The following PIK3R6 variants were observed in gnomAD, a reference collection of about 807,000 sequenced individuals.
The protein encoded by PIK3R6 is phosphoinositide 3-kinase regulatory subunit 6.
In PIK3R6, 91 loss-of-function variants were observed where a neutral mutation model predicts 84.9. The ratio of observed to expected loss-of-function variants is 1.07; its 90% CI spans 0.90 to 1.28. The LOEUF (loss-of-function observed/expected upper bound fraction) is 1.28. Ranked by LOEUF, PIK3R6 falls within the 50% of genes most tolerant of loss-of-function variation. PIK3R6 has a pLI of 0.00. For synonymous variants in PIK3R6, 416 were observed against 411.4 expected, an observed-to-expected ratio of 1.01 and a Z score of -0.13; for missense variants, 996 against 985.1, an observed-to-expected ratio of 1.01 and a Z score of -0.15.
intron 18 of PIK3R6, among the ~76,000 whole-genome samples, chr17:8,810,109 G>T (rs527459305): frequency 1.3e-5 from 2 of 150,980 alleles, no homozygotes; most frequent in South Asian, 4.3e-4. Flanking sequence ...AGGTTTAATG[G>T]ACTTACAGTT....
In PIK3R6 at chr17:8,819,056, C is replaced by T. The variant is rs370566314; in HGVS notation, c.1995+27G>A. ...CTACTGCTGTCCCAGCTGGCTGTCT[C>T]CCTTTCCCAGTCTACTCAGTACTTA... On this transcript the variant is annotated intron_variant, in intron 18 of 19. Coordinates refer to ENST00000619866, the MANE Select transcript of PIK3R6 (RefSeq NM_001010855.4). 14 of 1,525,304 alleles carry T rather than the reference C, an allele frequency of 9.2e-6. No homozygotes were observed. The African/African-American group carries it at 1.6e-4, about 18-fold the overall frequency. The allele number at this position is 1,525,304 out of a possible 1,614,324, so 94.5% of individuals were successfully genotyped here. A position where few individuals can be genotyped will look rare whatever the true frequency, so the allele number is the denominator to read the frequency against.
intron 16 of PIK3R6, 143 bp from the exon 17 acceptor site, chr17:8,822,079 G>A (rs1483122877): frequency 1.8e-5 from 12 of 653,450 alleles, no homozygotes; most frequent in Non-Finnish European, 2.8e-5. Flanking sequence ...TTTGAGCCAG[G>A]GGGTTTCACT....
intron 1 of PIK3R6, among the ~76,000 whole-genome samples, chr17:8,855,879 T>C (rs1033154115): frequency 1.1e-4 from 16 of 152,248 alleles, no homozygotes; most frequent in African/African-American, 3.6e-4. Context: ...CACCTGCTCA[T>C]GGATATATAT....
chr17:8,832,819 C>G, intron 9 of PIK3R6, 70 bp downstream of exon 9: 1 of 1,602,018 alleles, frequency 6.2e-7, no homozygotes, highest in Non-Finnish European at 8.5e-7. Context: ...TGCTCTCTGG[C>G]GCCCCCTGCT....
chr17:8,818,766 G>T (rs2087623845), intron 18 of PIK3R6, among the ~76,000 whole-genome samples: 1 of 152,198 alleles, frequency 6.6e-6, no homozygotes, highest in Admixed American at 6.5e-5. Flanking sequence ...GTCTGGCTGT[G>T]GTGTGGTGGC....
At chr17:8,863,638 G>A (rs2089333360) in intron 1 of PIK3R6, among the ~76,000 whole-genome samples, 1 of 151,970 alleles carries the variant, frequency 6.6e-6, no homozygotes, top group African/African-American at 2.4e-5. Context: ...AGGTTCAAGC[G>A]ACTCTCCTGC....
Position 8,803,131 on chromosome 17 carries a change from C to G in PIK3R6, c.*142G>C. ...TCATCACAGTCCCCAGGGTAGGCTC[C>G]CTGTGCTCCCAGGCACTCGCTGGCT... On this transcript the variant is annotated 3_prime_UTR_variant, in exon 20 of 20. Coordinates refer to ENST00000619866, the MANE Select transcript of PIK3R6 (RefSeq NM_001010855.4). This position sits in a 1 kb window ranked among gnomAD's most constrained non-coding sequence, Gnocchi z 5.0. 9.3e-7 allele frequency: 1 copy of G among 1,079,844 alleles called. No homozygotes were observed. Among genetic ancestry groups the G allele is most frequent in the South Asian group, 1.6e-5 (1 of 64,382 alleles). 66.9% of individuals were successfully genotyped at this position (1,079,844 alleles called of 1,614,324 possible).
At position 8,845,005 on chromosome 17, in the gene PIK3R6, G is replaced by A. The variant is rs145746902; in HGVS notation, c.13+4777C>T. On this transcript the variant is annotated intron_variant, in intron 2 of 19. Transcript: ENST00000619866. Reference sequence around the variant, plus strand: ...ATATTGCAACGAAGGATATGATTTCGTTCTTTTTTATGGCTGCATAGTATT... The same window carrying A: ...ATATTGCAACGAAGGATATGATTTCATTCTTTTTTATGGCTGCATAGTATT... Among the ~76,000 whole-genome samples the A allele has an allele frequency of 1.9e-3, 293 of 152,220 alleles. 1 individual carries two copies. The highest frequency in any genetic ancestry group is 6.5e-3 in the African/African-American group (270 of 41,528).
chr17:8,821,903 C>T lies in PIK3R6; in HGVS notation c.1822G>A (p.Val608Ile), dbSNP rs756367084. 3.3e-5 allele frequency: 52 copies of T among 1,594,172 alleles called. No individual in the cohort carries two copies. Among genetic ancestry groups the T allele is most frequent in the East Asian group, 1.4e-4 (6 of 44,052 alleles). ...LLSHRPREVT[V>I]SLRATGLILK... ...ATCAGCCCAGTGGCCCGCAGGGAAA[C>T]GGTGACCTCTCGGGGCCGGTGGCTA... Residue 608 changes from valine (V) to isoleucine (I), a missense_variant, in exon 17 of 20, where the codon GTT becomes ATT. Transcript: ENST00000619866.
chr17:8,832,375 C>T (rs77066928), intron 9 of PIK3R6, among the ~76,000 whole-genome samples: 9 of 77,814 alleles, frequency 1.2e-4, no homozygotes, highest in East Asian at 4.6e-4. Context: ...TACCCACCTT[C>T]TTTTTTTTTT....
Position 8,803,734 on chromosome 17 carries a change from G to A in PIK3R6, c.2109-305C>T, listed in dbSNP as rs1056079918. The A allele has an allele frequency of 3.6e-6, 2 of 554,928 alleles. No homozygotes were observed. The highest frequency in any genetic ancestry group is 3.2e-6 in the Non-Finnish European group (1 of 311,548). 34.4% of individuals were successfully genotyped at this position (554,928 alleles called of 1,614,324 possible). A position where few individuals can be genotyped will look rare whatever the true frequency, so the allele number is the denominator to read the frequency against. On this transcript the variant is annotated intron_variant, in intron 19 of 19. Coordinates refer to ENST00000619866, the MANE Select transcript of PIK3R6 (RefSeq NM_001010855.4). The surrounding 1 kb of genome is among the most constrained non-coding windows in gnomAD (Gnocchi z 5.0). ...ACACAGATGCCACAGGTCAGCCTGT[G>A]TGGGAGGGGCCCGTGCCTGCAGAGG...
At chr17:8,852,589 A>G (rs1022876360) in intron 1 of PIK3R6, among the ~76,000 whole-genome samples, 1 of 152,032 alleles carries the variant, frequency 6.6e-6, no homozygotes, top group Non-Finnish European at 1.5e-5. Context: ...AAATAAAAAA[A>G]TTAGCCAGGT....
At chr17:8,856,181 C>G (rs971362483) in intron 1 of PIK3R6, among the ~76,000 whole-genome samples, 2 of 152,162 alleles carry the variant, frequency 1.3e-5, no homozygotes, top group African/African-American at 4.8e-5. Flanking sequence ...CTTTTTTAGT[C>G]AAACTTTTAA....
chr17:8,857,852 A>G (rs1279810958), intron 1 of PIK3R6, among the ~76,000 whole-genome samples: 3 of 151,558 alleles, frequency 2.0e-5, no homozygotes, highest in Admixed American at 2.0e-4. Context: ...GTGAGCTGCA[A>G]TCGTGCCACT....
intron 1 of PIK3R6, among the ~76,000 whole-genome samples, chr17:8,856,339 C>T (rs1054499458): frequency 7.9e-5 from 12 of 152,208 alleles, no homozygotes; most frequent in South Asian, 6.2e-4. Context: ...TGGTGGCTCA[C>T]GCCTATAATC....
chr17:8,836,960 A>C, intron 5 of PIK3R6, 37 bp from the exon 6 acceptor site: 1 of 743,678 alleles, frequency 1.3e-6, no homozygotes, highest in Non-Finnish European at 1.8e-6. Flanking sequence ...GAGAGGGAGG[A>C]GGTGGAGGTA....
At chr17:8,865,576 G>GGCA (rs1340920490) in intron 1 of PIK3R6, among the ~76,000 whole-genome samples, 4 of 152,020 alleles carry the variant, frequency 2.6e-5, no homozygotes, top group Admixed American at 2.6e-4. Flanking sequence ...GGGTTTCAGG[G>GGCA]GCAGCTCAGG....
rs763009487 is a variant in PIK3R6, at chr17:8,822,599, T to C, written c.1776A>G (p.Leu592=). ...VAEGPGAELS[L]CYQKALLSHR... ...CATGCACACTGACCTTCTGGTAGCA[T>C]AGGGAGAGCTCTGCCCCTGGGCCCT... The change falls in exon 16 of 20, where the codon CTA becomes CTG. Residue 592 remains leucine, a synonymous_variant. Transcript: ENST00000619866. 23 of 1,613,790 alleles carry C rather than the reference T, an allele frequency of 1.4e-5. No homozygotes were observed. The highest frequency in any genetic ancestry group is 3.3e-5 in the Admixed American group (2 of 59,994).
In PIK3R6 at chr17:8,832,875, T is replaced by G. The variant is rs1567592519; in HGVS notation, c.802+14A>C. 3 of 1,612,316 alleles carry G rather than the reference T, an allele frequency of 1.9e-6. No individual in the cohort carries two copies. The highest frequency in any genetic ancestry group is 2.5e-6 in the Non-Finnish European group (3 of 1,179,672). The stretch of plus-strand genomic sequence containing the variant: ...GGGACTCTTGCCAAGGCCCCCCATC[T>G]GCCAGTCGCTTACCACCGCAGCGCC... On this transcript the variant is annotated intron_variant, in intron 9 of 19. Coordinates refer to ENST00000619866, the MANE Select transcript of PIK3R6 (RefSeq NM_001010855.4).
Sources: gnomAD v4.1 joint callset for allele counts (sites outside exome capture counted in the v4.1 genomes callset) on GRCh38, gnomAD v4.1.1 for gene constraint, Gnocchi (gnomAD v3.1) non-coding constraint, MANE v1.5 for transcripts, NCBI Gene and HGNC (gene_info 2026-07-23, HGNC 2026-07-21) for gene names.